The following TIAM1 variants were observed in gnomAD, a reference collection of about 807,000 sequenced individuals.
TIAM1 encodes rho guanine nucleotide exchange factor TIAM1.
TIAM1 carries 65 observed loss-of-function variants against 163.5 expected under a neutral mutation model. The observed-to-expected ratio is 0.40, with a 90% confidence interval of 0.33 to 0.49. The LOEUF (loss-of-function observed/expected upper bound fraction) is 0.49, where lower values mean the gene tolerates loss of function less well. TIAM1 is among the 20% of genes least tolerant of loss of function. The pLI is 0.77. For synonymous variants in TIAM1, 833 were observed against 810.1 expected (o/e 1.03, Z -0.48); for missense variants, 1,789 against 2,044.7 (o/e 0.87, Z 2.41).
intron 16 of TIAM1, among the ~76,000 whole-genome samples, chr21:31,157,797 C>T (rs528386810): frequency 3.9e-5 from 6 of 152,262 alleles, no homozygotes; most frequent in African/African-American, 1.2e-4. Context: ...TTCACATAAA[C>T]GTTATGATGA....
intron 2 of TIAM1, among the ~76,000 whole-genome samples, chr21:31,309,382 T>TC (rs2074838198): frequency 6.6e-6 from 1 of 152,114 alleles, no homozygotes; most frequent in Non-Finnish European, 1.5e-5. Flanking sequence ...CACTTGAACC[T>TC]CCAAGGCTGA....
chr21:31,168,621 C>T (rs1601393777), intron 15 of TIAM1, among the ~76,000 whole-genome samples: 1 of 152,108 alleles, frequency 6.6e-6, no homozygotes, highest in Non-Finnish European at 1.5e-5. Flanking sequence ...AGGATGGTCT[C>T]GATCTCCTAA....
chr21:31,558,162 CGGGTGGCGAG>C (rs11279985), intron 1 of TIAM1, among the ~76,000 whole-genome samples: 31,960 of 151,974 alleles, frequency 0.21, 3,690 homozygotes, highest in African/African-American at 0.31. Flanking sequence ...GGTCCCCAGC[CGGGTGGCGAG>C]GGGCGCGGCG....
At chr21:31,343,643 G>GA (rs2076083587) in intron 1 of TIAM1, among the ~76,000 whole-genome samples, 1 of 152,086 alleles carries the variant, frequency 6.6e-6, no homozygotes, top group Non-Finnish European at 1.5e-5. Flanking sequence ...CACAGCTTCT[G>GA]AATATTCCTT....
intron 1 of TIAM1, among the ~76,000 whole-genome samples, chr21:31,520,192 G>A (rs1419187906): frequency 3.3e-5 from 5 of 152,122 alleles, no homozygotes; most frequent in Non-Finnish European, 7.4e-5. Context: ...TTAGCTGGGT[G>A]TGGTGGCGCA....
rs778924729 is a variant in TIAM1, at chr21:31,266,454, T to C, written c.519A>G (p.Ala173=). The part of the protein sequence containing the change: ...ASFKKKRSKS[A]DIWREDSLEF... ...CCAGGCTGTCCTCCCGCCAGATGTCTGCAGATTTGGAGCGTTTCTTCTTAA... is the reference window on the plus strand; with the variant it reads ...CCAGGCTGTCCTCCCGCCAGATGTCCGCAGATTTGGAGCGTTTCTTCTTAA... The change falls in exon 4 of 28, where the codon GCA becomes GCG. Residue 173 remains alanine (A), a synonymous_variant. Transcript: ENST00000541036. 1 of 1,614,236 alleles carries C rather than the reference T, an allele frequency of 6.2e-7. No homozygotes were observed. The highest frequency in any genetic ancestry group is 8.5e-7 in the Non-Finnish European group (1 of 1,180,050).
intron 1 of TIAM1, among the ~76,000 whole-genome samples, chr21:31,495,086 A>G (rs2147431225): frequency 6.6e-6 from 1 of 152,326 alleles, no homozygotes; most frequent in Non-Finnish European, 1.5e-5. Flanking sequence ...GTGTAGGAGG[A>G]TAAATGTGTT....
intron 1 of TIAM1, among the ~76,000 whole-genome samples, chr21:31,514,232 G>A (rs2047306656): frequency 6.6e-6 from 1 of 151,906 alleles, no homozygotes; most frequent in Admixed American, 6.6e-5. Context: ...GCAAACCCAA[G>A]ATTAAAGAAA....
chr21:31,388,259 A>ACACACACACACACACAC lies in TIAM1; in HGVS notation c.-368-48838_-368-48837insGTGTGTGTGTGTGTGTG, dbSNP rs1555964695. Among the ~76,000 whole-genome samples the ACACACACACACACACAC allele has an allele frequency of 7.3e-3, 714 of 98,154 alleles. 21 individuals carry two copies. The highest frequency in any genetic ancestry group is 0.03 in the Middle Eastern group (7 of 230). The allele number at this position is 98,154 out of a possible 152,430, so 64.4% of individuals were successfully genotyped here. A position where few individuals can be genotyped will look rare whatever the true frequency, so the allele number is the denominator to read the frequency against. ...CACACACACACACACACACACACAC[A>ACACACACACACACACAC]ACCTCTTACGTGAATACGGTGAATC... is the stretch of plus-strand genomic sequence containing the variant. On this transcript the variant is annotated intron_variant, in intron 2 of 28. Coordinates refer to the TIAM1 transcript ENST00000286827.
In TIAM1 at chr21:31,120,400, CAA is replaced by C. The variant is rs751434446; in HGVS notation, c.4742_4743del (p.Phe1581CysfsTer9). The C allele has an allele frequency of 3.5e-5, 57 of 1,612,422 alleles. No homozygotes were observed. Among genetic ancestry groups the C allele is most frequent in the Non-Finnish European group, 4.4e-5 (52 of 1,179,076 alleles). On this transcript the variant is annotated frameshift_variant, in exon 28 of 28. Transcript: ENST00000541036. LOFTEE classifies it high-confidence loss of function. The surrounding 1 kb of genome is among the most constrained non-coding windows in gnomAD (Gnocchi z 4.2). ...TCAGTGTTCAGTTTCCTGGAGGGGG[CAA>C]AGTCTTCACGCCTAACCCAAATGAC... ...EEVIWVRREDFAPSRKLNTEI is the reference protein window; with the variant it reads ...EEVIWVRREDXAPSRKLNTEI
intron 12 of TIAM1, among the ~76,000 whole-genome samples, chr21:31,200,905 G>A (rs1021281549): frequency 5.3e-5 from 8 of 152,220 alleles, no homozygotes; most frequent in Admixed American, 5.2e-4. Context: ...TCTGCAACAG[G>A]CCAAGAAATA....
intron 2 of TIAM1, among the ~76,000 whole-genome samples, chr21:31,430,219 A>T (rs1313597287): frequency 2.7e-5 from 3 of 110,976 alleles, no homozygotes; most frequent in Non-Finnish European, 5.1e-5. Context: ...AGAAAAAAAA[A>T]AAAAAAATAT....
chr21:31,487,857 T>A (rs2046329759), intron 1 of TIAM1, among the ~76,000 whole-genome samples: 1 of 151,334 alleles, frequency 6.6e-6, no homozygotes, highest in Non-Finnish European at 1.5e-5. Context: ...GCGCCCGGCC[T>A]TTTTTTGTAT....
chr21:31,164,156 C>T (rs1601370718), intron 16 of TIAM1, among the ~76,000 whole-genome samples: 1 of 152,118 alleles, frequency 6.6e-6, no homozygotes, highest in East Asian at 1.9e-4. Flanking sequence ...TTTGGGAGGC[C>T]AAGGCGGGTG....
At position 31,395,512 on chromosome 21, in the gene TIAM1, A is replaced by C. The variant is rs1015329004; in HGVS notation, c.-368-56090T>G. ...ATCTAAACACAGCCAATCACCAGAT[A>C]CGCCACAGAGGCGAAGAGAAGGGCC... On this transcript the variant is annotated intron_variant, in intron 2 of 28. Coordinates refer to the TIAM1 transcript ENST00000286827. This position sits in a 1 kb window ranked among gnomAD's most constrained non-coding sequence, Gnocchi z 7.5. 6.6e-6 allele frequency among the ~76,000 whole-genome samples: 1 copy of C among 152,182 alleles called. No homozygotes were observed. Among genetic ancestry groups the C allele is most frequent in the Non-Finnish European group, 1.5e-5 (1 of 68,038 alleles).
At chr21:31,527,222 C>A (rs2047817957) in intron 1 of TIAM1, among the ~76,000 whole-genome samples, 1 of 152,116 alleles carries the variant, frequency 6.6e-6, no homozygotes, top group Non-Finnish European at 1.5e-5. Context: ...CAGCTTCCTC[C>A]CCCTGTCTTA....
chr21:31,211,053 G>A (rs1601567741), intron 10 of TIAM1, among the ~76,000 whole-genome samples: 2 of 151,948 alleles, frequency 1.3e-5, no homozygotes, highest in Middle Eastern at 6.8e-3. Flanking sequence ...ACGACCCGGC[G>A]CCAGAGACAA....
chr21:31,400,840 C>T (rs2077152493), intron 2 of TIAM1, among the ~76,000 whole-genome samples: 1 of 152,078 alleles, frequency 6.6e-6, no homozygotes, highest in Non-Finnish European at 1.5e-5. Context: ...CCTGTAATCC[C>T]AGCACTTTGG....
intron 2 of TIAM1, among the ~76,000 whole-genome samples, chr21:31,380,613 TTAAATGGATG>T (rs1481968367): frequency 6.6e-6 from 1 of 152,122 alleles, no homozygotes; most frequent in Admixed American, 6.6e-5. Flanking sequence ...AGTGTACATT[TTAAATGGATG>T]ATTCGAAAGG....
Sources: allele counts gnomAD v4.1 joint callset (sites outside exome capture counted in the v4.1 genomes callset), GRCh38; gene constraint gnomAD v4.1.1; non-coding constraint Gnocchi (gnomAD v3.1); transcripts MANE v1.5; gene names NCBI Gene and HGNC (gene_info 2026-07-23, HGNC 2026-07-21).